The following WSCD2 variants were observed in gnomAD, a reference collection of about 807,000 sequenced individuals.
The protein encoded by WSCD2 is sialate:O-sulfotransferase 2.
A neutral mutation model predicts 55.7 loss-of-function variants in WSCD2; 28 were observed. The observed-to-expected ratio is 0.50, with a 90% CI of 0.37 to 0.69. The LOEUF (loss-of-function observed/expected upper bound fraction) is 0.69. WSCD2 is among the 30% of genes least tolerant of loss of function. WSCD2 has a pLI of 0.00. For synonymous variants in WSCD2, 301 were observed against 301.9 expected (o/e 1.00, Z 0.03); for missense variants, 616 against 762.1 (o/e 0.81, Z 2.26).
intron 1 of WSCD2, among the ~76,000 whole-genome samples, chr12:108,143,659 G>A (rs1169338461): frequency 3.3e-5 from 5 of 152,124 alleles, no homozygotes; most frequent in Non-Finnish European, 4.4e-5. Context: ...TTCTCAGCAT[G>A]GTGATAATAT....
rs767937435 is a variant in WSCD2, at chr12:108,210,145, G to A, written c.522G>A (p.Glu174=). ...GGGGTTACCTGTATGGCGGGCTGGA[G>A]TTCGGCGCCGAGTGCTACTGCGGCC... is the stretch of plus-strand genomic sequence containing the variant. The part of the protein sequence containing the change: ...AERGYLYGGL[E]FGAECYCGHK... The change falls in exon 4 of 9, where the codon GAG becomes GAA. Residue 174 remains glutamate (E), a synonymous_variant. Coordinates refer to ENST00000547525, the MANE Select transcript of WSCD2 (RefSeq NM_014653.4). The surrounding 1 kb of genome is among the most constrained non-coding windows in gnomAD (Gnocchi z 4.3). 3 of 1,614,146 alleles carry A rather than the reference G, an allele frequency of 1.9e-6. No homozygotes were observed. The highest frequency in any genetic ancestry group is 1.7e-6 in the Non-Finnish European group (2 of 1,180,016).
At chr12:108,239,782 A>G (rs1243515555) in intron 7 of WSCD2, among the ~76,000 whole-genome samples, 2 of 152,164 alleles carry the variant, frequency 1.3e-5, no homozygotes, top group Non-Finnish European at 2.9e-5. Context: ...TGGCATGATC[A>G]TAGCTCACTG....
intron 1 of WSCD2, among the ~76,000 whole-genome samples, chr12:108,141,320 C>T (rs1475641231): frequency 6.6e-6 from 1 of 152,126 alleles, no homozygotes; most frequent in African/African-American, 2.4e-5. Context: ...AGGCTGGTCC[C>T]GAACTCCTGG....
At chr12:108,153,509 C>T (rs1878222098) in intron 1 of WSCD2, among the ~76,000 whole-genome samples, 1 of 152,150 alleles carries the variant, frequency 6.6e-6, no homozygotes, top group Non-Finnish European at 1.5e-5. Flanking sequence ...AGAGTTAGGG[C>T]TTATAACCAT....
intron 8 of WSCD2, among the ~76,000 whole-genome samples, chr12:108,242,719 C>G (rs531692916): frequency 6.2e-4 from 95 of 152,272 alleles, no homozygotes; most frequent in Non-Finnish European, 1.2e-3. Context: ...TCAACCCATC[C>G]CCTAGATATT....
rs1426366 is a variant in WSCD2, at chr12:108,227,660, C to T, written c.979+496C>T. Reference sequence around the variant, plus strand: ...ACTTCTAGTCTTCTTCCTTTGCTAGCGGAATCCACACTTACTGTTATCTCC... The same window carrying T: ...ACTTCTAGTCTTCTTCCTTTGCTAGTGGAATCCACACTTACTGTTATCTCC... On this transcript the variant is annotated intron_variant, in intron 6 of 8. Coordinates refer to ENST00000547525, the MANE Select transcript of WSCD2 (RefSeq NM_014653.4). Among the ~76,000 whole-genome samples the T allele has an allele frequency of 2.5e-3, 384 of 152,216 alleles. 1 individual carries two copies. Among genetic ancestry groups the T allele is most frequent in the African/African-American group, 8.9e-3 (369 of 41,508 alleles).
chr12:108,234,830 G>T (rs1196930831), intron 7 of WSCD2, among the ~76,000 whole-genome samples: 1 of 152,058 alleles, frequency 6.6e-6, no homozygotes, highest in Non-Finnish European at 1.5e-5. Flanking sequence ...TTTAGTTCAG[G>T]GATCAAAATT....
chr12:108,215,857 G>A (rs10861879), intron 4 of WSCD2, among the ~76,000 whole-genome samples: 43,296 of 152,052 alleles, frequency 0.28, 6,690 homozygotes, highest in East Asian at 0.56. Context: ...AGCTGGTTCC[G>A]GGCTGTTCTT....
chr12:108,172,511 A>C (rs1468464298), intron 1 of WSCD2, among the ~76,000 whole-genome samples: 5 of 152,206 alleles, frequency 3.3e-5, no homozygotes, highest in African/African-American at 9.7e-5. Context: ...TAAGTTGAGG[A>C]CATACTGGAT....
rs367680277 is a variant in WSCD2, at chr12:108,195,982, G to A, written c.150G>A (p.Ala50=). The change falls in exon 2 of 9, where the codon GCG becomes GCA. Residue 50 remains alanine, a synonymous_variant. Coordinates refer to ENST00000547525, the MANE Select transcript of WSCD2 (RefSeq NM_014653.4). The stretch of plus-strand genomic sequence containing the variant: ...AGCCCGCTGTCTCGGGGAACCAGGC[G>A]AACCCCGCTGCTGCAGGAGGCCCAG... ...VGQPAVSGNQ[A]NPAAAGGPAE... 17 of 1,614,104 alleles carry A rather than the reference G, an allele frequency of 1.1e-5. No homozygotes were observed. The highest frequency in any genetic ancestry group is 3.3e-5 in the Admixed American group (2 of 60,006).
intron 2 of WSCD2, 27 bp downstream of exon 2, chr12:108,196,241 G>A: frequency 6.3e-7 from 1 of 1,590,740 alleles, no homozygotes; most frequent in South Asian, 1.1e-5. Context: ...TCTGGACACT[G>A]AGGGGCTGGG....
intron 1 of WSCD2, among the ~76,000 whole-genome samples, chr12:108,139,228 T>C (rs1050113106): frequency 1.3e-5 from 2 of 152,228 alleles, no homozygotes; most frequent in African/African-American, 4.8e-5. Flanking sequence ...TATCTCCAAA[T>C]AAAATTTGAT....
intron 7 of WSCD2, among the ~76,000 whole-genome samples, chr12:108,234,344 CA>C (rs1173663522): frequency 6.6e-6 from 1 of 152,104 alleles, no homozygotes; most frequent in Non-Finnish European, 1.5e-5. Flanking sequence ...ATGTCTTTCT[CA>C]GGGTGAGACA....
chr12:108,250,021 G>A lies in WSCD2; in HGVS notation c.*1678G>A, dbSNP rs1039452203. On this transcript the variant is annotated 3_prime_UTR_variant, in exon 9 of 9. Transcript: ENST00000547525. ...GGGAGACTCTTGGTCCAAGACCTGGGTCAGTTCTTTGCTGGTGGTCCCCTC... is the reference window on the plus strand; with the variant it reads ...GGGAGACTCTTGGTCCAAGACCTGGATCAGTTCTTTGCTGGTGGTCCCCTC... The A allele has an allele frequency of 4.6e-5, 7 of 152,566 alleles. No individual in the cohort carries two copies. Among genetic ancestry groups the A allele is most frequent in the African/African-American group, 1.7e-4 (7 of 41,454 alleles). The allele number at this position is 152,566 out of a possible 1,614,324, so 9.5% of individuals were successfully genotyped here.
chr12:108,204,978 C>T (rs1885147208), intron 2 of WSCD2, among the ~76,000 whole-genome samples: 1 of 152,220 alleles, frequency 6.6e-6, no homozygotes, highest in South Asian at 2.1e-4. Flanking sequence ...ATTCCAAGTG[C>T]TGGCTGGATC....
At chr12:108,154,993 C>A (rs1565921393) in intron 1 of WSCD2, among the ~76,000 whole-genome samples, 1 of 152,124 alleles carries the variant, frequency 6.6e-6, no homozygotes, top group Non-Finnish European at 1.5e-5. Flanking sequence ...TGCCCCAGAT[C>A]CCAGCCTGCA....
At chr12:108,204,001 T>A (rs909073114) in intron 2 of WSCD2, among the ~76,000 whole-genome samples, 5 of 152,108 alleles carry the variant, frequency 3.3e-5, no homozygotes, top group African/African-American at 7.2e-5. Flanking sequence ...GTAACATGAG[T>A]AGTTACCAGT....
chr12:108,198,318 A>G (rs911140773), intron 2 of WSCD2, among the ~76,000 whole-genome samples: 1 of 152,090 alleles, frequency 6.6e-6, no homozygotes, highest in Non-Finnish European at 1.5e-5. Context: ...ATGAATGACT[A>G]TCCCTTTGCC....
At chr12:108,197,516 G>A (rs888089249) in intron 2 of WSCD2, among the ~76,000 whole-genome samples, 8 of 152,098 alleles carry the variant, frequency 5.3e-5, no homozygotes, top group East Asian at 1.9e-4. Context: ...ACCTTCTCCC[G>A]CCTCAGTTTT....
Sources: gnomAD v4.1 joint callset for allele counts (sites outside exome capture counted in the v4.1 genomes callset) on GRCh38, gnomAD v4.1.1 for gene constraint, Gnocchi (gnomAD v3.1) non-coding constraint, MANE v1.5 for transcripts, NCBI Gene and HGNC (gene_info 2026-07-23, HGNC 2026-07-21) for gene names.